IGLON5: variants seen among roughly 807,000 people sequenced by gnomAD.
IGLON5 encodes the protein Ig-like domain-containing protein ENSP00000270642.
A neutral mutation model predicts 38.2 loss-of-function variants in IGLON5; 16 were observed. The observed-to-expected ratio is 0.42, with a 90% CI of 0.28 to 0.64. The LOEUF is 0.64. Among genes scored for constraint, IGLON5 ranks in the 30% least tolerant of loss-of-function variants. IGLON5 has a pLI of 0.23. For missense variants in IGLON5, 366 were observed against 483.4 expected (o/e 0.76, Z 2.28); for synonymous variants, 207 against 216.4 (o/e 0.96, Z 0.38).
chr19:51,328,895 G>A lies in IGLON5; in HGVS notation c.*136G>A, dbSNP rs1429350972. On this transcript the variant is annotated 3_prime_UTR_variant, in exon 8 of 8. Coordinates refer to ENST00000270642, the MANE Select transcript of IGLON5 (RefSeq NM_001101372.3). Reference sequence around the variant, plus strand: ...CCAAGGAAGAAGAGAGAGGAGAAGAGGAGGAGGCAGAGGAAGAAAGATCTT... The same window carrying A: ...CCAAGGAAGAAGAGAGAGGAGAAGAAGAGGAGGCAGAGGAAGAAAGATCTT... 3.5e-6 allele frequency: 2 copies of A among 571,538 alleles called. No individual in the cohort carries two copies. Among genetic ancestry groups the A allele is most frequent in the Non-Finnish European group, 6.1e-6 (2 of 327,528 alleles). The allele number at this position is 571,538 out of a possible 1,614,324, so 35.4% of individuals were successfully genotyped here.
intron 1 of IGLON5, among the ~76,000 whole-genome samples, chr19:51,316,488 C>T (rs778610455): frequency 1.5e-4 from 21 of 144,790 alleles, no homozygotes; most frequent in Non-Finnish European, 1.7e-4. Context: ...TTTTTCTTTT[C>T]TTTTCTTTTC....
chr19:51,322,412 AAGGG>A (rs1568458552), intron 2 of IGLON5, among the ~76,000 whole-genome samples: 1,721 of 147,666 alleles, frequency 0.012, 38 homozygotes, highest in African/African-American at 0.04. Context: ...ACCCAGAGAG[AAGGG>A]GACAGAGATC....
intron 1 of IGLON5, among the ~76,000 whole-genome samples, chr19:51,313,100 A>G (rs991371240): frequency 2.6e-5 from 4 of 152,142 alleles, no homozygotes; most frequent in African/African-American, 4.8e-5. Flanking sequence ...ACCCCGTCAC[A>G]GCGTCCCACC....
chr19:51,328,651 G>A lies in IGLON5; in HGVS notation c.923-20G>A, dbSNP rs1028119000. 1.3e-6 allele frequency: 2 copies of A among 1,523,076 alleles called. No homozygotes were observed. Among genetic ancestry groups the A allele is most frequent in the Non-Finnish European group, 1.8e-6 (2 of 1,126,566 alleles). 94.3% of individuals were successfully genotyped at this position (1,523,076 alleles called of 1,614,324 possible). A position where few individuals can be genotyped will look rare whatever the true frequency, so the allele number is the denominator to read the frequency against. ...TCCCCACTCTCAGGCCTCCCTCCAT[G>A]ACCCCTTCTCTTCCCCCAGGCCCAG... On this transcript the variant is annotated intron_variant, in intron 7 of 7. Coordinates refer to ENST00000270642, the MANE Select transcript of IGLON5 (RefSeq NM_001101372.3).
Position 51,324,794 on chromosome 19 carries a change from G to A in IGLON5, c.392-552G>A, listed in dbSNP as rs966744898. ...CCTGCTTGGAGAAATGTTCAAATGGGAGAGGGGAGTGGAAAGCACAGATGA... is the reference window on the plus strand; with the variant it reads ...CCTGCTTGGAGAAATGTTCAAATGGAAGAGGGGAGTGGAAAGCACAGATGA... On this transcript the variant is annotated intron_variant, in intron 3 of 7. Coordinates refer to ENST00000270642, the MANE Select transcript of IGLON5 (RefSeq NM_001101372.3). The surrounding 1 kb of genome is among the most constrained non-coding windows in gnomAD (Gnocchi z 4.2). Among the ~76,000 whole-genome samples, 4 of 151,302 alleles carry A rather than the reference G, an allele frequency of 2.6e-5. No homozygotes were observed. The highest frequency in any genetic ancestry group is 9.7e-5 in the African/African-American group (4 of 41,144).
chr19:51,313,050 C>T (rs1020613664), intron 1 of IGLON5, among the ~76,000 whole-genome samples: 1 of 152,184 alleles, frequency 6.6e-6, no homozygotes, highest in Non-Finnish European at 1.5e-5. Context: ...CCCCAAGAGT[C>T]TCAGAGAGGC....
chr19:51,328,603 C>G, intron 7 of IGLON5, 68 bp from the exon 8 acceptor site: 1 of 1,007,696 alleles, frequency 9.9e-7, no homozygotes, highest in Non-Finnish European at 1.4e-6. Context: ...GAGATGGGGC[C>G]CCTGGAGAGA....
intron 1 of IGLON5, among the ~76,000 whole-genome samples, chr19:51,319,874 T>C (rs998754896): frequency 6.6e-6 from 1 of 151,234 alleles, no homozygotes; most frequent in African/African-American, 2.4e-5. Context: ...ATGCGTGTGA[T>C]TGTATGTGTT....
At chr19:51,314,187 A>ATT (rs34052497) in intron 1 of IGLON5, among the ~76,000 whole-genome samples, 11,317 of 130,984 alleles carry the variant, frequency 0.086, 947 homozygotes, top group African/African-American at 0.21. Context: ...CACATTCACT[A>ATT]TTTTTTTTTT....
At chr19:51,328,222 C>T (rs1425207590) in intron 7 of IGLON5, among the ~76,000 whole-genome samples, 4 of 151,866 alleles carry the variant, frequency 2.6e-5, no homozygotes, top group Admixed American at 6.6e-5. Flanking sequence ...TTTTGGAGGC[C>T]GGGCGTGGTG....
rs563178310 is a variant in IGLON5 at position 51,327,361 on chromosome 19, G to A, written c.767+161G>A. ...TAGGTGATGGGATCTGTCCAGCCCCGGAGACAAGCTTGGGTCCCCGCTTGA... is the reference window on the plus strand; with the variant it reads ...TAGGTGATGGGATCTGTCCAGCCCCAGAGACAAGCTTGGGTCCCCGCTTGA... On this transcript the variant is annotated intron_variant, in intron 6 of 7. Coordinates refer to ENST00000270642, the MANE Select transcript of IGLON5 (RefSeq NM_001101372.3). The surrounding 1 kb of genome is among the most constrained non-coding windows in gnomAD (Gnocchi z 7.1). Among the ~76,000 whole-genome samples, 2 of 152,246 alleles carry A rather than the reference G, an allele frequency of 1.3e-5. No homozygotes were observed. The highest frequency in any genetic ancestry group is 1.9e-4 in the East Asian group (1 of 5,162).
chr19:51,328,851 GC>G lies in IGLON5; in HGVS notation c.*93del. The G allele has an allele frequency of 1.2e-6, 1 of 809,486 alleles. No individual in the cohort carries two copies. Among genetic ancestry groups the G allele is most frequent in the Non-Finnish European group, 1.9e-6 (1 of 526,682 alleles). 50.1% of individuals were successfully genotyped at this position (809,486 alleles called of 1,614,324 possible). On this transcript the variant is annotated 3_prime_UTR_variant, in exon 8 of 8. Transcript: ENST00000270642. ...AGCAAGAGCCGTGGGTCTCGTGGGG[GC>G]AGAAGAGCTCTCGGCCACCAAGGAA...
intron 1 of IGLON5, among the ~76,000 whole-genome samples, 194 bp downstream of exon 1, chr19:51,312,120 G>T (rs1984781143): frequency 2.0e-5 from 3 of 151,956 alleles, no homozygotes; most frequent in Admixed American, 2.0e-4. Context: ...GTGGGGGTCC[G>T]CGCCCCGGGG....
chr19:51,328,827 G>A lies in IGLON5; in HGVS notation c.*68G>A. ...GGCCAAGAGTGAGAGAAACGGGGGAGCAAGAGCCGTGGGTCTCGTGGGGGC... is the reference window on the plus strand; with the variant it reads ...GGCCAAGAGTGAGAGAAACGGGGGAACAAGAGCCGTGGGTCTCGTGGGGGC... On this transcript the variant is annotated 3_prime_UTR_variant, in exon 8 of 8. Coordinates refer to ENST00000270642, the MANE Select transcript of IGLON5 (RefSeq NM_001101372.3). 2 of 1,201,320 alleles carry A rather than the reference G, an allele frequency of 1.7e-6. No homozygotes were observed. Among genetic ancestry groups the A allele is most frequent in the South Asian group, 1.5e-5 (1 of 68,762 alleles). The allele number at this position is 1,201,320 out of a possible 1,614,324, so 74.4% of individuals were successfully genotyped here. A position where few individuals can be genotyped will look rare whatever the true frequency, so the allele number is the denominator to read the frequency against.
intron 1 of IGLON5, among the ~76,000 whole-genome samples, chr19:51,321,303 G>A (rs188730878): frequency 3.3e-5 from 5 of 152,184 alleles, no homozygotes; most frequent in East Asian, 3.9e-4. Context: ...TCAGCCACCC[G>A]AGTAGCTGGG....
chr19:51,326,635 C>T lies in IGLON5; in HGVS notation c.512-129C>T. The T allele has an allele frequency of 5.0e-6, 2 of 397,898 alleles. 1 individual carries two copies. The highest frequency in any genetic ancestry group is 6.4e-5 in the South Asian group (2 of 31,374). 24.6% of individuals were successfully genotyped at this position (397,898 alleles called of 1,614,324 possible). A position where few individuals can be genotyped will look rare whatever the true frequency, so the allele number is the denominator to read the frequency against. ...CCCTGCAGCCCCTCCCCCACCCCAC[C>T]CCCATTGACCCGGGCACTCCAGGCC... On this transcript the variant is annotated intron_variant, in intron 4 of 7. Coordinates refer to ENST00000270642, the MANE Select transcript of IGLON5 (RefSeq NM_001101372.3).
At chr19:51,316,344 CAAA>C (rs552905197) in intron 1 of IGLON5, among the ~76,000 whole-genome samples, 14 of 83,588 alleles carry the variant, frequency 1.7e-4, no homozygotes, top group East Asian at 3.5e-4. Flanking sequence ...TACCCTGTCT[CAAA>C]AAAAAAAAAA....
intron 3 of IGLON5, 36 bp downstream of exon 3, chr19:51,323,930 G>T: frequency 1.4e-6 from 2 of 1,455,878 alleles, no homozygotes; most frequent in Non-Finnish European, 1.9e-6. Flanking sequence ...GGGTGGAGGG[G>T]TTGAGAGCGT....
At chr19:51,321,750 T>G (rs1985061494) in intron 1 of IGLON5, among the ~76,000 whole-genome samples, 1 of 152,232 alleles carries the variant, frequency 6.6e-6, no homozygotes, top group East Asian at 1.9e-4. Flanking sequence ...TAGGTTTGTA[T>G]GTCCATGGAC....
Sources: gnomAD v4.1 joint callset for allele counts (sites outside exome capture counted in the v4.1 genomes callset) on GRCh38, gnomAD v4.1.1 for gene constraint, Gnocchi (gnomAD v3.1) non-coding constraint, MANE v1.5 for transcripts, NCBI Gene and HGNC (gene_info 2026-07-23, HGNC 2026-07-21) for gene names.